The following NHSL1 variants were observed in gnomAD, a reference collection of about 807,000 sequenced individuals.
NHSL1 encodes NHS like 1, also known as NHS-like protein 1.
A neutral mutation model predicts 95.0 loss-of-function variants in NHSL1; 48 were observed. That is an observed-to-expected ratio of 0.51 (90% CI 0.40 to 0.64). NHSL1 has a LOEUF of 0.64. Ranked by LOEUF, NHSL1 falls within the 30% of genes least tolerant of loss-of-function variation. The pLI is 0.00. For missense variants in NHSL1, 1,971 were observed against 2,077.7 expected, an observed-to-expected ratio of 0.95 and a Z score of 1.00; for synonymous variants, 783 against 833.9, an observed-to-expected ratio of 0.94 and a Z score of 1.05.
chr6:138,425,954 G>C (rs1255131812), intron 7 of NHSL1, among the ~76,000 whole-genome samples: 1 of 152,132 alleles, frequency 6.6e-6, no homozygotes, highest in African/African-American at 2.4e-5. Context: ...AGACGAAGGG[G>C]CAATCAAAGA....
chr6:138,500,249 T>G (rs1170253456), upstream of NHSL1, among the ~76,000 whole-genome samples: 1 of 152,206 alleles, frequency 6.6e-6, no homozygotes, highest in Non-Finnish European at 1.5e-5. Flanking sequence ...CAAACAAACA[T>G]TATCTGAGTT....
chr6:138,684,670 A>T (rs1785561241), intron 1 of NHSL1, among the ~76,000 whole-genome samples: 1 of 152,046 alleles, frequency 6.6e-6, no homozygotes, highest in African/African-American at 2.4e-5. Flanking sequence ...CAAACAAACA[A>T]ACATGGGGGG....
intron 1 of NHSL1, among the ~76,000 whole-genome samples, chr6:138,588,020 C>T (rs573416840): frequency 1.3e-5 from 2 of 152,406 alleles, no homozygotes; most frequent in African/African-American, 4.8e-5. Context: ...GTGATGCTCG[C>T]CCCTTGGCGG....
At chr6:138,434,913 A>T (rs376632471) in intron 5 of NHSL1, among the ~76,000 whole-genome samples, 1 of 152,196 alleles carries the variant, frequency 6.6e-6, no homozygotes, top group African/African-American at 2.4e-5. Flanking sequence ...CTCAAAGGAG[A>T]TGGCACCCTG....
At position 138,441,044 on chromosome 6, in the gene NHSL1, C is replaced by G. The variant is rs544116054; in HGVS notation, c.664+939G>C. Among the ~76,000 whole-genome samples, 3 of 152,266 alleles carry G rather than the reference C, an allele frequency of 2.0e-5. No homozygotes were observed. The South Asian group carries it at 6.2e-4, about 32-fold the overall frequency. ...GTTTATGGTAGTACCAGGTACTAACCAAGTACCAAGGGCCTCACATGCACA... is the reference window on the plus strand; with the variant it reads ...GTTTATGGTAGTACCAGGTACTAACGAAGTACCAAGGGCCTCACATGCACA... On this transcript the variant is annotated intron_variant, in intron 5 of 7. Coordinates refer to ENST00000343505, the MANE Select transcript of NHSL1 (RefSeq NM_001144060.2).
Position 138,422,326 on chromosome 6 carries a change from G to C in NHSL1, c.*1755C>G, listed in dbSNP as rs950465802. The C allele has an allele frequency of 6.6e-6, 1 of 152,158 alleles. No homozygotes were observed. The highest frequency in any genetic ancestry group is 2.4e-5 in the African/African-American group (1 of 41,414). The allele number at this position is 152,158 out of a possible 1,614,324, so 9.4% of individuals were successfully genotyped here. ...CTCCAAATCTCTGGTCTTGACTTCC[G>C]GTTGTGTGAAGAGCAGTGTTTTGTT... On this transcript the variant is annotated 3_prime_UTR_variant, in exon 8 of 8. Coordinates refer to ENST00000343505, the MANE Select transcript of NHSL1 (RefSeq NM_001144060.2).
chr6:138,542,810 C>T (rs1396504490), intron 1 of NHSL1, among the ~76,000 whole-genome samples: 1 of 152,130 alleles, frequency 6.6e-6, no homozygotes, highest in Admixed American at 6.5e-5. Context: ...ATTGCCCAGG[C>T]TAGAGTGCAG....
intron 2 of NHSL1, among the ~76,000 whole-genome samples, chr6:138,474,487 A>T (rs577130087): frequency 6.6e-6 from 1 of 152,320 alleles, no homozygotes; most frequent in East Asian, 1.9e-4. Flanking sequence ...GGGATAAAAA[A>T]AAAAGTCCTG....
At chr6:138,622,401 G>A (rs1215028442) in intron 1 of NHSL1, among the ~76,000 whole-genome samples, 1 of 152,110 alleles carries the variant, frequency 6.6e-6, no homozygotes, top group East Asian at 1.9e-4. Flanking sequence ...CTGCTGGGGA[G>A]GCTGAGGAAG....
chr6:138,503,034 T>C (rs140427202), upstream of NHSL1, among the ~76,000 whole-genome samples: 1 of 152,218 alleles, frequency 6.6e-6, no homozygotes, highest in Non-Finnish European at 1.5e-5. Flanking sequence ...AATTGCTCTA[T>C]ACCCCCTGCT....
At chr6:138,428,269 C>CT (rs1775394404) in intron 7 of NHSL1, among the ~76,000 whole-genome samples, 1 of 152,028 alleles carries the variant, frequency 6.6e-6, no homozygotes, top group East Asian at 1.9e-4. Context: ...ATGAAATACT[C>CT]TGAGTCTTGG....
At chr6:138,437,329 CATAT>C (rs777583497) in intron 5 of NHSL1, among the ~76,000 whole-genome samples, 1 of 100,960 alleles carries the variant, frequency 9.9e-6, no homozygotes, top group Non-Finnish European at 1.9e-5. Flanking sequence ...TACACACACA[CATAT>C]ATATATATAC....
chr6:138,689,603 T>C (rs546667840), intron 1 of NHSL1, among the ~76,000 whole-genome samples: 2 of 152,312 alleles, frequency 1.3e-5, no homozygotes, highest in East Asian at 1.9e-4. Context: ...AAAGCTATTA[T>C]TGGTCACTGA....
intron 1 of NHSL1, among the ~76,000 whole-genome samples, chr6:138,568,020 T>C (rs1783683846): frequency 6.6e-6 from 1 of 152,178 alleles, no homozygotes; most frequent in African/African-American, 2.4e-5. Flanking sequence ...TTTAGTTTTA[T>C]TTGAGTGAGC....
intron 2 of NHSL1, among the ~76,000 whole-genome samples, chr6:138,489,225 C>T (rs991111036): frequency 7.2e-5 from 11 of 152,162 alleles, no homozygotes; most frequent in African/African-American, 2.7e-4. Flanking sequence ...CCCCTCCCTC[C>T]ACAGACACTT....
At position 138,432,920 on chromosome 6, in the gene NHSL1, A is replaced by G; in HGVS notation, c.1425T>C (p.His475=). ...CTAAGTCCTGTGAAAGAATGGTGGC[A>G]TGGCCCTCATTCCAGTGGCGACCGG... The part of the protein sequence containing the change: ...QSPGRHWNEG[H]ATILSQDLDP... Residue 475 remains histidine (H), a synonymous_variant, in exon 6 of 8, where the codon CAT becomes CAC. Coordinates refer to ENST00000343505, the MANE Select transcript of NHSL1 (RefSeq NM_001144060.2). The surrounding 1 kb of genome is among the most constrained non-coding windows in gnomAD (Gnocchi z 4.4). 6.4e-7 allele frequency: 1 copy of G among 1,551,328 alleles called. No homozygotes were observed.
upstream of NHSL1, among the ~76,000 whole-genome samples, chr6:138,547,816 C>T (rs1384866436): frequency 4.6e-5 from 7 of 152,230 alleles, no homozygotes; most frequent in Admixed American, 4.6e-4. Context: ...CATCTCACCA[C>T]GGGACTCTCT....
chr6:138,446,033 ATTT>A (rs201605598), intron 4 of NHSL1, among the ~76,000 whole-genome samples: 9,431 of 133,324 alleles, frequency 0.071, 785 homozygotes, highest in East Asian at 0.38. Context: ...GAAAATTTTG[ATTT>A]TTTTTTTTTT....
intron 1 of NHSL1, among the ~76,000 whole-genome samples, chr6:138,561,314 C>T (rs115555535): frequency 1.8e-4 from 28 of 152,122 alleles, no homozygotes; most frequent in African/African-American, 3.1e-4. Context: ...GTGGCGGGTG[C>T]GGGGCATGGA....
Sources: gnomAD v4.1 joint callset for allele counts (sites outside exome capture counted in the v4.1 genomes callset) on GRCh38, gnomAD v4.1.1 for gene constraint, Gnocchi (gnomAD v3.1) non-coding constraint, MANE v1.5 for transcripts, NCBI Gene and HGNC (gene_info 2026-07-23, HGNC 2026-07-21) for gene names.